OR56A3: variants seen among roughly 807,000 people sequenced by gnomAD.
OR56A3 encodes the protein olfactory receptor family 56 subfamily A member 3, also known as olfactory receptor 56A3.
A neutral mutation model predicts 17.5 loss-of-function variants in OR56A3; 23 were observed. The observed-to-expected ratio is 1.32, with a 90% CI of 0.95 to 1.87. The LOEUF is 1.87. Among genes scored for constraint, OR56A3 ranks in the 40% most tolerant of loss-of-function variants. The pLI is 0.00. For synonymous variants in OR56A3, 175 were observed against 150.6 expected (o/e 1.16, Z -1.19); for missense variants, 366 against 380.1 (o/e 0.96, Z 0.31).
chr11:5,967,812 A>T, the OR56A3 span: 7 of 1,569,390 alleles, frequency 4.5e-6, no homozygotes, highest in South Asian at 7.0e-5. Flanking sequence ...AATCCTTAGC[A>T]CAGTTTTCAA....
chr11:5,996,277 A>G, the OR56A3 span, among the ~76,000 whole-genome samples: 2 of 152,206 alleles, frequency 1.3e-5, no homozygotes, highest in Non-Finnish European at 2.9e-5. Context: ...TTGTGGCTGA[A>G]TAGTATAGCA....
the OR56A3 span, among the ~76,000 whole-genome samples, chr11:5,980,326 C>G: frequency 2.6e-5 from 4 of 152,168 alleles, no homozygotes; most frequent in South Asian, 8.3e-4. Flanking sequence ...ATCAAAGTCT[C>G]TTTGTAGGAC....
chr11:5,981,011 G>A, the OR56A3 span, among the ~76,000 whole-genome samples: 1 of 152,266 alleles, frequency 6.6e-6, no homozygotes, highest in East Asian at 1.9e-4. Context: ...TAGTTTGTGA[G>A]GTTTTTTGCT....
the OR56A3 span, among the ~76,000 whole-genome samples, chr11:5,960,269 G>A: frequency 8.5e-5 from 12 of 141,122 alleles, no homozygotes; most frequent in East Asian, 2.2e-4. Context: ...CCCTTTGCAC[G>A]GTCCTCGTCT....
the OR56A3 span, among the ~76,000 whole-genome samples, chr11:5,972,724 G>A: frequency 6.6e-6 from 1 of 152,174 alleles, no homozygotes; most frequent in African/African-American, 2.4e-5. Flanking sequence ...TGCCTCCCAG[G>A]TTCAAGCAAT....
At chr11:6,013,277 G>T in the OR56A3 span, among the ~76,000 whole-genome samples, 3 of 152,222 alleles carry the variant, frequency 2.0e-5, no homozygotes, top group Non-Finnish European at 4.4e-5. Context: ...GCACAGGCTG[G>T]CATTGGAGGC....
At position 5,949,392 on chromosome 11, in the gene OR56A3, G is replaced by A. The variant is rs565233921; in HGVS notation, c.*1098G>A. 27 of 152,238 alleles carry A rather than the reference G, an allele frequency of 1.8e-4. No homozygotes were observed. The highest frequency in any genetic ancestry group is 4.3e-4 in the African/African-American group (18 of 41,534). The allele number at this position is 152,238 out of a possible 1,614,324, so 9.4% of individuals were successfully genotyped here. ...GAAACATTAGATAAAGAGAAGGTCT[G>A]GGCAGTAGGCCTTGCACAGCCACAC... On this transcript the variant is annotated 3_prime_UTR_variant, in exon 3 of 3. Coordinates refer to ENST00000641160, the MANE Select transcript of OR56A3 (RefSeq NM_001003443.3).
downstream of OR56A3, among the ~76,000 whole-genome samples, chr11:5,954,552 T>A (rs1031146448): frequency 6.6e-6 from 1 of 152,212 alleles, no homozygotes; most frequent in Non-Finnish European, 1.5e-5. Context: ...TTTTTTTAAA[T>A]AAAATTCATA....
chr11:5,981,143 A>G, the OR56A3 span, among the ~76,000 whole-genome samples: 1 of 152,114 alleles, frequency 6.6e-6, no homozygotes, highest in African/African-American at 2.4e-5. Context: ...ATGTGTCTTG[A>G]GGATGGTCAT....
the OR56A3 span, chr11:5,967,317 G>A: frequency 2.0e-6 from 1 of 488,786 alleles, no homozygotes; most frequent in Non-Finnish European, 3.6e-6. Flanking sequence ...TACTCACATA[G>A]ATGAAGTCAA....
downstream of OR56A3, chr11:5,951,430 G>T (rs1005572214): frequency 2.0e-5 from 3 of 151,900 alleles, no homozygotes; most frequent in African/African-American, 7.3e-5. Context: ...TATATGAAAA[G>T]TTTAATAGTG....
chr11:5,983,848 G>C, the OR56A3 span, among the ~76,000 whole-genome samples: 13 of 151,656 alleles, frequency 8.6e-5, no homozygotes, highest in Non-Finnish European at 1.8e-4. Flanking sequence ...CTGCCTCATG[G>C]ATATGTAAGG....
downstream of OR56A3, among the ~76,000 whole-genome samples, chr11:5,955,142 C>A (rs974340509): frequency 6.6e-6 from 1 of 152,134 alleles, no homozygotes; most frequent in Non-Finnish European, 1.5e-5. Flanking sequence ...AGAGACCATA[C>A]TGAATACCTG....
rs775226672 is a variant in OR56A3 at position 5,947,321 on chromosome 11, G to T, written c.-26G>T. ...ATCATAATTTTCCAGATCACTGAAA[G>T]AAAGCAGTAAAATATATGGGAAAAT... On this transcript the variant is annotated 5_prime_UTR_variant, in exon 3 of 3. Transcript: ENST00000641160. The T allele has an allele frequency of 2.6e-6, 4 of 1,537,616 alleles. No individual in the cohort carries two copies. The highest frequency in any genetic ancestry group is 1.8e-6 in the Non-Finnish European group (2 of 1,136,452).
At chr11:5,962,598 G>T in the OR56A3 span, among the ~76,000 whole-genome samples, 1 of 150,520 alleles carries the variant, frequency 6.6e-6, no homozygotes, top group Non-Finnish European at 1.5e-5. Flanking sequence ...GACTGCAGTG[G>T]CGCAATCTCG....
the OR56A3 span, among the ~76,000 whole-genome samples, chr11:5,979,191 T>C: frequency 1.3e-5 from 2 of 152,068 alleles, no homozygotes; most frequent in Admixed American, 1.3e-4. Context: ...TCTTTTTTCA[T>C]TGTGTCTCTG....
chr11:6,012,424 C>G, the OR56A3 span, among the ~76,000 whole-genome samples: 1 of 152,160 alleles, frequency 6.6e-6, no homozygotes, highest in Non-Finnish European at 1.5e-5. Context: ...GTTCAGTTAT[C>G]AGCAGAGGGG....
At chr11:5,958,410 C>T in the OR56A3 span, among the ~76,000 whole-genome samples, 10 of 152,096 alleles carry the variant, frequency 6.6e-5, no homozygotes, top group African/African-American at 2.4e-4. Context: ...TGTTACCTCT[C>T]TGAAGTGAAT....
intron 2 of OR56A3, among the ~76,000 whole-genome samples, chr11:5,945,579 T>TAA (rs3082300): frequency 0.021 from 2,382 of 114,370 alleles, 38 homozygotes; most frequent in Non-Finnish European, 0.029. Flanking sequence ...AGACCCCATA[T>TAA]AAAAAAAAAA....
Sources: allele counts gnomAD v4.1 joint callset (sites outside exome capture counted in the v4.1 genomes callset), GRCh38; gene constraint gnomAD v4.1.1; transcripts MANE v1.5; gene names NCBI Gene and HGNC (gene_info 2026-07-23, HGNC 2026-07-21).